Variants in CADM2 observed in about 807,000 individuals in gnomAD.
The protein encoded by CADM2 is cell adhesion molecule 2.
In CADM2, 12 loss-of-function variants were observed where a neutral mutation model predicts 49.8. The ratio of observed to expected loss-of-function variants is 0.24; its 90% CI spans 0.15 to 0.39. The LOEUF (loss-of-function observed/expected upper bound fraction) is 0.39, where lower values mean the gene tolerates loss of function less well. Among genes scored for constraint, CADM2 ranks in the 10% least tolerant of loss-of-function variants. The pLI is 1.00. For missense variants in CADM2, 378 were observed against 492.3 expected, an observed-to-expected ratio of 0.77 and a Z score of 2.20; for synonymous variants, 214 against 175.4, an observed-to-expected ratio of 1.22 and a Z score of -1.74.
intron 1 of CADM2, among the ~76,000 whole-genome samples, chr3:85,146,652 A>G (rs952441608): frequency 5.3e-5 from 8 of 152,224 alleles, no homozygotes; most frequent in Non-Finnish European, 4.4e-5. Context: ...AACTATATAA[A>G]TAGAGCCAAG....
At chr3:85,374,838 T>C (rs1011029900) in intron 1 of CADM2, among the ~76,000 whole-genome samples, 1 of 152,074 alleles carries the variant, frequency 6.6e-6, no homozygotes, top group Admixed American at 6.6e-5. Context: ...TTCAATTGTC[T>C]CCCACCAGGT....
At chr3:85,378,753 A>C (rs1424128730) in intron 1 of CADM2, among the ~76,000 whole-genome samples, 3 of 151,906 alleles carry the variant, frequency 2.0e-5, no homozygotes, top group African/African-American at 7.2e-5. Flanking sequence ...TGAGGGATAA[A>C]AGACTACATA....
chr3:85,204,281 T>C (rs1314869863), intron 1 of CADM2, among the ~76,000 whole-genome samples: 1 of 152,200 alleles, frequency 6.6e-6, no homozygotes, highest in Non-Finnish European at 1.5e-5. Flanking sequence ...TTTGATTTAA[T>C]TTTATTGATT....
chr3:85,183,555 C>G (rs112948632), intron 1 of CADM2, among the ~76,000 whole-genome samples: 4 of 152,080 alleles, frequency 2.6e-5, no homozygotes, highest in African/African-American at 9.7e-5. Flanking sequence ...TAACCCCATC[C>G]CACCAGTGCC....
chr3:86,051,211 C>A, intron 8 of CADM2, among the ~76,000 whole-genome samples: 1 of 149,278 alleles, frequency 6.7e-6, no homozygotes, highest in Non-Finnish European at 1.5e-5. Context: ...CTCTCAAGTT[C>A]AAAGTTCCAT....
At chr3:85,519,634 A>G (rs937209903) in intron 1 of CADM2, among the ~76,000 whole-genome samples, 22 of 152,186 alleles carry the variant, frequency 1.4e-4, no homozygotes, top group African/African-American at 5.1e-4. Context: ...AATAAACACG[A>G]CATCAACTTT....
At chr3:86,026,631 C>T (rs1346819310) in intron 8 of CADM2, among the ~76,000 whole-genome samples, 2 of 152,264 alleles carry the variant, frequency 1.3e-5, no homozygotes, top group South Asian at 4.1e-4. Context: ...GCCTATTCAT[C>T]CTTCAAAACC....
At chr3:85,812,046 G>A (rs1489361903) in intron 3 of CADM2, among the ~76,000 whole-genome samples, 1 of 151,956 alleles carries the variant, frequency 6.6e-6, no homozygotes, top group African/African-American at 2.4e-5. Flanking sequence ...TATGCCCTGG[G>A]AATTATGCTG....
At chr3:85,602,926 T>A (rs1298975608) in intron 1 of CADM2, among the ~76,000 whole-genome samples, 4 of 151,808 alleles carry the variant, frequency 2.6e-5, no homozygotes, top group African/African-American at 7.2e-5. Context: ...TTTGCCGTAT[T>A]TGTTCATTTT....
chr3:86,052,218 C>A (rs1343462918), intron 8 of CADM2, among the ~76,000 whole-genome samples: 1 of 152,048 alleles, frequency 6.6e-6, no homozygotes, highest in Admixed American at 6.5e-5. Context: ...TTAATGATAT[C>A]TATGAAAAAC....
chr3:85,894,027 G>A (rs1714857013), intron 5 of CADM2, among the ~76,000 whole-genome samples: 2 of 152,136 alleles, frequency 1.3e-5, no homozygotes, highest in Non-Finnish European at 2.9e-5. Flanking sequence ...AAATCATGCT[G>A]CTATAAAGAC....
chr3:85,583,088 T>C (rs551680079), intron 1 of CADM2, among the ~76,000 whole-genome samples: 2 of 152,272 alleles, frequency 1.3e-5, no homozygotes, highest in Middle Eastern at 6.8e-3. Flanking sequence ...TTATTTACTA[T>C]ACGTTAGGAA....
chr3:85,168,883 A>G (rs1016024087), intron 1 of CADM2, among the ~76,000 whole-genome samples: 7 of 152,172 alleles, frequency 4.6e-5, no homozygotes, highest in African/African-American at 1.7e-4. Context: ...CATTTAATAT[A>G]TATTTGAATA....
chr3:85,536,439 T>A (rs1287950475), intron 1 of CADM2, among the ~76,000 whole-genome samples: 1 of 150,588 alleles, frequency 6.6e-6, no homozygotes, highest in South Asian at 2.1e-4. Context: ...TTTAAATTTT[T>A]GGTACTATTA....
At chr3:84,988,579 A>T (rs1480152308) in intron 1 of CADM2, among the ~76,000 whole-genome samples, 3 of 152,170 alleles carry the variant, frequency 2.0e-5, no homozygotes, top group African/African-American at 7.2e-5. Flanking sequence ...ATCATTATAC[A>T]GCTTGTCTTG....
intron 1 of CADM2, among the ~76,000 whole-genome samples, chr3:85,371,278 A>C (rs2033207314): frequency 6.6e-6 from 1 of 152,248 alleles, no homozygotes; most frequent in East Asian, 1.9e-4. Flanking sequence ...AGAAGCTTCC[A>C]GTCCTGCAAA....
intron 1 of CADM2, among the ~76,000 whole-genome samples, chr3:85,316,440 G>C (rs2044465744): frequency 6.6e-6 from 1 of 152,120 alleles, no homozygotes; most frequent in Non-Finnish European, 1.5e-5. Flanking sequence ...TTGTCTGTCA[G>C]TAACAAATAT....
At chr3:85,538,519 A>C (rs12487886) in intron 1 of CADM2, among the ~76,000 whole-genome samples, 12,435 of 152,126 alleles carry the variant, frequency 0.082, 988 homozygotes, top group African/African-American at 0.19. Context: ...TGCTTTGTTC[A>C]TGTTTGTTTT....
At chr3:84,970,879 T>C (rs1174352015) in intron 1 of CADM2, among the ~76,000 whole-genome samples, 1 of 152,002 alleles carries the variant, frequency 6.6e-6, no homozygotes, top group Non-Finnish European at 1.5e-5. Flanking sequence ...AAAGGGAAGG[T>C]AGTTTTTGTT....
Sources: allele counts gnomAD v4.1 joint callset (sites outside exome capture counted in the v4.1 genomes callset), GRCh38; gene constraint gnomAD v4.1.1; transcripts MANE v1.5; gene names NCBI Gene and HGNC (gene_info 2026-07-23, HGNC 2026-07-21).